Variants in ERGIC1 observed in about 807,000 individuals in gnomAD.
ERGIC1 encodes endoplasmic reticulum-Golgi intermediate compartment protein 1.
ERGIC1 carries 19 observed loss-of-function variants against 38.3 expected under a neutral mutation model. The ratio of observed to expected loss-of-function variants is 0.50; its 90% CI spans 0.35 to 0.73. The LOEUF (loss-of-function observed/expected upper bound fraction) is 0.73, where lower values mean the gene tolerates loss of function less well. Among genes scored for constraint, ERGIC1 ranks in the 30% least tolerant of loss-of-function variants. The pLI is 0.01. For missense variants in ERGIC1, 294 were observed against 389.2 expected (o/e 0.76, Z 2.06); for synonymous variants, 124 against 157.6 (o/e 0.79, Z 1.60).
At chr5:172,907,055 C>G (rs1763047757) in intron 3 of ERGIC1, among the ~76,000 whole-genome samples, 2 of 152,214 alleles carry the variant, frequency 1.3e-5, no homozygotes, top group Admixed American at 1.3e-4. Flanking sequence ...CTCCTCCGCC[C>G]AGTCCCATCC....
chr5:172,947,823 TGA>T (rs1021732335), intron 9 of ERGIC1, among the ~76,000 whole-genome samples: 13 of 152,096 alleles, frequency 8.5e-5, no homozygotes, highest in African/African-American at 3.1e-4. Flanking sequence ...CAGGTGTCTG[TGA>T]GTCATAAGCA....
At chr5:172,886,716 A>G (rs892773906) in intron 1 of ERGIC1, among the ~76,000 whole-genome samples, 1 of 152,224 alleles carries the variant, frequency 6.6e-6, no homozygotes, top group African/African-American at 2.4e-5. Context: ...GCTGTGAGAT[A>G]GTTACTGTTG....
chr5:172,905,683 G>A (rs1415022163), intron 3 of ERGIC1, among the ~76,000 whole-genome samples: 1 of 152,220 alleles, frequency 6.6e-6, no homozygotes, highest in Non-Finnish European at 1.5e-5. Context: ...GGAAGTCAGC[G>A]GTGGGTCTGT....
chr5:172,935,239 C>A lies in ERGIC1; in HGVS notation c.694C>A (p.Arg232Ser). Residue 232 changes from arginine to serine, a missense_variant, in exon 9 of 10, where the codon CGC becomes AGC. Arg to Ser is a moderately radical substitution (Grantham distance 110). Transcript: ENST00000393784. ...CCGCATCATCCCTGCAATCTGGTTCCGCTACGACCTCAGCCCCATCACGGT... is the reference window on the plus strand; with the variant it reads ...CCGCATCATCCCTGCAATCTGGTTCAGCTACGACCTCAGCCCCATCACGGT... ...TGRIIPAIWFRYDLSPITVKY... is the reference protein window; with the variant it reads ...TGRIIPAIWFSYDLSPITVKY... 6.2e-7 allele frequency: 1 copy of A among 1,614,194 alleles called. No homozygotes were observed. Among genetic ancestry groups the A allele is most frequent in the East Asian group, 2.2e-5 (1 of 44,888 alleles).
At chr5:172,938,374 T>G (rs986082282) in intron 9 of ERGIC1, among the ~76,000 whole-genome samples, 1 of 152,238 alleles carries the variant, frequency 6.6e-6, no homozygotes, top group Non-Finnish European at 1.5e-5. Flanking sequence ...CAGCCATGCC[T>G]CACAGTAGGG....
intron 1 of ERGIC1, among the ~76,000 whole-genome samples, chr5:172,840,889 G>A (rs1212075704): frequency 2.6e-5 from 4 of 152,202 alleles, no homozygotes; most frequent in African/African-American, 9.7e-5. Context: ...CTGTATGATT[G>A]ATTTGACTCA....
chr5:172,924,683 A>G (rs2113453425), intron 6 of ERGIC1, among the ~76,000 whole-genome samples: 1 of 152,304 alleles, frequency 6.6e-6, no homozygotes, highest in East Asian at 1.9e-4. Context: ...TCGCATTGCC[A>G]CGTGCAGGGG....
intron 5 of ERGIC1, chr5:172,920,482 G>A: frequency 1.4e-6 from 1 of 717,288 alleles, no homozygotes; most frequent in Admixed American, 2.0e-5. Context: ...AGGACAGGAT[G>A]GGGTGAGGGG....
intron 2 of ERGIC1, among the ~76,000 whole-genome samples, chr5:172,893,896 T>TACACACACAC (rs750015522): frequency 2.5e-5 from 1 of 40,386 alleles, no homozygotes; most frequent in Non-Finnish European, 5.4e-5. Context: ...TATATATATA[T>TACACACACAC]ATATATATAT....
At chr5:172,948,672 G>A (rs1363639785) in intron 9 of ERGIC1, among the ~76,000 whole-genome samples, 2 of 152,164 alleles carry the variant, frequency 1.3e-5, no homozygotes, top group African/African-American at 2.4e-5. Context: ...GCTGCTCCGA[G>A]GCCTATGGCT....
Position 172,934,525 on chromosome 5 carries a change from G to A in ERGIC1, c.643-663G>A, listed in dbSNP as rs111945339. The A allele has an allele frequency of 7.7e-3, 1,186 of 153,940 alleles. 21 individuals carry two copies. The highest frequency in any genetic ancestry group is 0.027 in the African/African-American group (1,113 of 41,522). 9.5% of individuals were successfully genotyped at this position (153,940 alleles called of 1,614,324 possible). On this transcript the variant is annotated intron_variant, in intron 8 of 9. Coordinates refer to ENST00000393784, the MANE Select transcript of ERGIC1 (RefSeq NM_001031711.3). ...CTGAAGAAGCTAGCCCACTCCCCAC[G>A]TGGCATTTACACCCATCACACACAC...
In ERGIC1 at chr5:172,834,733, C is replaced by T. The variant is rs1432488762; in HGVS notation, c.20+300C>T. ...TCCCCCACACTAGGAAACATTTCCT[C>T]CCTCCTCCCAGATGGGAACAGCCCA... On this transcript the variant is annotated intron_variant, in intron 1 of 9. Transcript: ENST00000393784. The surrounding 1 kb of genome is among the most constrained non-coding windows in gnomAD (Gnocchi z 4.1). Among the ~76,000 whole-genome samples, 1 of 152,112 alleles carries T rather than the reference C, an allele frequency of 6.6e-6. No individual in the cohort carries two copies. The highest frequency in any genetic ancestry group is 2.4e-5 in the African/African-American group (1 of 41,430).
intron 1 of ERGIC1, among the ~76,000 whole-genome samples, chr5:172,877,638 C>A (rs887580403): frequency 4.6e-5 from 7 of 151,820 alleles, no homozygotes; most frequent in Non-Finnish European, 1.0e-4. Context: ...TTTCCTCTTA[C>A]TGTATCCTGG....
In ERGIC1 at chr5:172,834,418, C is replaced by T. The variant is rs1235298058; in HGVS notation, c.5C>T (p.Pro2Leu). Residue 2 changes from proline (P) to leucine (L), a missense_variant, in exon 1 of 10, where the codon CCC becomes CTC. By Grantham distance (98) the Pro-to-Leu change is moderately conservative (BLOSUM62 -3). Coordinates refer to ENST00000393784, the MANE Select transcript of ERGIC1 (RefSeq NM_001031711.3). This position sits in a 1 kb window ranked among gnomAD's most constrained non-coding sequence, Gnocchi z 4.1. Reference sequence around the variant, plus strand: ...CCCACCCCCGGCGGCGGCACGATGCCCTTTGACTTCAGGAGGTGAGTGTGG... The same window carrying T: ...CCCACCCCCGGCGGCGGCACGATGCTCTTTGACTTCAGGAGGTGAGTGTGG... M[P>L]FDFRRFDIYR... 2 of 1,341,884 alleles carry T rather than the reference C, an allele frequency of 1.5e-6. No homozygotes were observed. Among genetic ancestry groups the T allele is most frequent in the Non-Finnish European group, 1.9e-6 (2 of 1,042,632 alleles). 83.1% of individuals were successfully genotyped at this position (1,341,884 alleles called of 1,614,324 possible). A position where few individuals can be genotyped will look rare whatever the true frequency, so the allele number is the denominator to read the frequency against.
chr5:172,923,866 G>GT, intron 5 of ERGIC1, 139 bp from the exon 6 acceptor site: 2 of 753,162 alleles, frequency 2.7e-6, no homozygotes, highest in Non-Finnish European at 4.5e-6. Context: ...CCTTTGCACA[G>GT]TTGAAAATGA....
chr5:172,868,371 T>C (rs978165679), intron 1 of ERGIC1, among the ~76,000 whole-genome samples: 1 of 152,110 alleles, frequency 6.6e-6, no homozygotes, highest in Non-Finnish European at 1.5e-5. Flanking sequence ...TTGTTCAGGA[T>C]TGAAAGGTAA....
intron 1 of ERGIC1, 125 bp from the exon 2 acceptor site, chr5:172,888,574 C>T (rs1415714558): frequency 6.4e-6 from 5 of 785,070 alleles, no homozygotes; most frequent in Non-Finnish European, 4.5e-6. Flanking sequence ...CCTGAAAGAG[C>T]AGAAAAACTG....
chr5:172,929,189 A>G (rs1385296393), intron 7 of ERGIC1, among the ~76,000 whole-genome samples: 3 of 151,956 alleles, frequency 2.0e-5, no homozygotes, highest in East Asian at 1.9e-4. Context: ...GTATACACAC[A>G]CATACATATA....
At chr5:172,901,187 GC>G (rs1038688176) in intron 3 of ERGIC1, among the ~76,000 whole-genome samples, 1 of 152,222 alleles carries the variant, frequency 6.6e-6, no homozygotes, top group Non-Finnish European at 1.5e-5. Flanking sequence ...CATGGCTCCA[GC>G]CCCAGCCTGT....
Sources: gnomAD v4.1 joint callset for allele counts (sites outside exome capture counted in the v4.1 genomes callset) on GRCh38, gnomAD v4.1.1 for gene constraint, Gnocchi (gnomAD v3.1) non-coding constraint, MANE v1.5 for transcripts, NCBI Gene and HGNC (gene_info 2026-07-23, HGNC 2026-07-21) for gene names.